The following AGR2 variants were observed in gnomAD, a reference collection of about 807,000 sequenced individuals.
AGR2 encodes the protein anterior gradient 2, protein disulphide isomerase family member.
In AGR2, 27 loss-of-function variants were observed where a neutral mutation model predicts 25.9. The ratio of observed to expected loss-of-function variants is 1.04; its 90% CI spans 0.77 to 1.44. The LOEUF (loss-of-function observed/expected upper bound fraction) is 1.44. AGR2 is among the 40% of genes most tolerant of loss of function. The pLI is 0.00. For synonymous variants in AGR2, 78 were observed against 72.0 expected (o/e 1.08, Z -0.42); for missense variants, 182 against 200.9 (o/e 0.91, Z 0.57).
chr7:16,800,287 T>C (rs1164670074), intron 4 of AGR2, among the ~76,000 whole-genome samples: 1 of 152,188 alleles, frequency 6.6e-6, no homozygotes, highest in Non-Finnish European at 1.5e-5. Flanking sequence ...CCTGAGGAGC[T>C]AACGTTGAAG....
At chr7:16,798,731 G>C (rs959789074) in intron 5 of AGR2, among the ~76,000 whole-genome samples, 2 of 152,166 alleles carry the variant, frequency 1.3e-5, no homozygotes, top group African/African-American at 2.4e-5. Context: ...CTAGTAGCAG[G>C]AATACTTGGA....
chr7:16,795,809 C>T (rs1785035765), intron 6 of AGR2, among the ~76,000 whole-genome samples: 1 of 152,172 alleles, frequency 6.6e-6, no homozygotes, highest in Non-Finnish European at 1.5e-5. Context: ...CATGTGAGAA[C>T]CATCTGCATG....
In AGR2 at chr7:16,797,782, G is replaced by T. The variant is rs1302630372; in HGVS notation, c.331-88C>A. 7.9e-6 allele frequency: 8 copies of T among 1,008,768 alleles called. 1 individual carries two copies. The Admixed American group carries it at 8.6e-5, about 11-fold the overall frequency. The allele number at this position is 1,008,768 out of a possible 1,614,324, so 62.5% of individuals were successfully genotyped here. ...TAATACAAGAATCTGTCCATTTCCG[G>T]CCAGGCATCTCAAGATATCATAACT... On this transcript the variant is annotated intron_variant, in intron 5 of 7. Coordinates refer to ENST00000419304, the MANE Select transcript of AGR2 (RefSeq NM_006408.4).
chr7:16,792,993 A>AT, intron 7 of AGR2, 36 bp from the exon 8 acceptor site: 1 of 1,578,182 alleles, frequency 6.3e-7, no homozygotes, highest in Non-Finnish European at 8.7e-7. Context: ...TCAAGACACC[A>AT]TCGTGCGTTA....
chr7:16,801,501 T>C (rs1466564103), intron 2 of AGR2, 118 bp from the exon 3 acceptor site: 8 of 1,335,940 alleles, frequency 6.0e-6, no homozygotes, highest in Non-Finnish European at 8.5e-6. Context: ...GAAAAACCCC[T>C]GGAGAAAGTA....
Position 16,797,624 on chromosome 7 carries a change from C to T in AGR2, c.394+7G>A, listed in dbSNP as rs375243408. ...TTCCGAGTTATCTCACTGTCACTTC[C>T]GCTTACCAACAAACATAATCCTGGG... is the stretch of plus-strand genomic sequence containing the variant. On this transcript the variant is annotated splice_region_variant and intron_variant, in intron 6 of 7. Coordinates refer to ENST00000419304, the MANE Select transcript of AGR2 (RefSeq NM_006408.4). 79 of 1,613,284 alleles carry T rather than the reference C, an allele frequency of 4.9e-5. No individual in the cohort carries two copies. The highest frequency in any genetic ancestry group is 1.2e-4 in the Admixed American group (7 of 59,912).
chr7:16,801,363 A>T lies in AGR2; in HGVS notation c.160T>A (p.Trp54Arg). 1 of 1,613,766 alleles carries T rather than the reference A, an allele frequency of 6.2e-7. No individual in the cohort carries two copies. Among genetic ancestry groups the T allele is most frequent in the Non-Finnish European group, 8.5e-7 (1 of 1,179,816 alleles). Residue 54 changes from tryptophan (W) to arginine (R), a missense_variant, in exon 3 of 8, where the codon TGG (tryptophan) becomes AGG (arginine). Trp to Arg is a moderately radical substitution (Grantham distance 101). Coordinates refer to ENST00000419304, the MANE Select transcript of AGR2 (RefSeq NM_006408.4). ...AGAGCTTCTTCATATGTCTGAGTCC[A>T]GATGAGTTGGTCACCCCAACCTAGA... ...LSRGWGDQLI[W>R]TQTYEEALYK...
At position 16,801,714 on chromosome 7, in the gene AGR2, C is replaced by G. The variant is rs1785148119; in HGVS notation, c.83G>C (p.Gly28Ala). The change falls in exon 2 of 8, where the codon GGA becomes GCA. Residue 28 changes from glycine to alanine, a missense_variant. Coordinates refer to ENST00000419304, the MANE Select transcript of AGR2 (RefSeq NM_006408.4). ...TLARDTTVKP[G>A]AKKDTKDSRP... ...AGAGTCCTTTGTGTCCTTTTTGGCT[C>G]CAGGTTTGACTGTGGTATCTCTGGC... The G allele has an allele frequency of 1.2e-6, 2 of 1,613,410 alleles. No individual in the cohort carries two copies. The highest frequency in any genetic ancestry group is 2.2e-5 in the East Asian group (1 of 44,856).
At position 16,801,451 on chromosome 7, in the gene AGR2, T is replaced by C. The variant is rs978493191; in HGVS notation, c.140-68A>G. 12 of 1,441,806 alleles carry C rather than the reference T, an allele frequency of 8.3e-6. No homozygotes were observed. In the African/African-American group the frequency reaches 1.1e-4, roughly 13 times the overall value. The allele number at this position is 1,441,806 out of a possible 1,614,324, so 89.3% of individuals were successfully genotyped here. ...CAGACCCAAAGCTGTTGAAAAGCAATGGTAAAGACTGGGATAATAGACCCT... is the reference window on the plus strand; with the variant it reads ...CAGACCCAAAGCTGTTGAAAAGCAACGGTAAAGACTGGGATAATAGACCCT... On this transcript the variant is annotated intron_variant, in intron 2 of 7. Coordinates refer to ENST00000419304, the MANE Select transcript of AGR2 (RefSeq NM_006408.4).
At chr7:16,800,968 A>G (rs1451566658) in intron 4 of AGR2, among the ~76,000 whole-genome samples, 183 bp downstream of exon 4, 2 of 152,244 alleles carry the variant, frequency 1.3e-5, no homozygotes, top group African/African-American at 2.4e-5. Flanking sequence ...TTTTCAAAAT[A>G]TGTACCAATG....
intron 7 of AGR2, among the ~76,000 whole-genome samples, chr7:16,794,433 C>G (rs575799910): frequency 6.6e-6 from 1 of 152,304 alleles, no homozygotes; most frequent in East Asian, 1.9e-4. Flanking sequence ...GTGTCTCTCT[C>G]TCTCTCTGTC....
At chr7:16,796,633 G>A (rs943667473) in intron 6 of AGR2, among the ~76,000 whole-genome samples, 17 of 152,282 alleles carry the variant, frequency 1.1e-4, no homozygotes, top group Admixed American at 9.8e-4. Flanking sequence ...GCAGGGTCAC[G>A]TTGGGAATAT....
Position 16,792,586 on chromosome 7 carries a change from C to T in AGR2, c.*322G>A, listed in dbSNP as rs1378509921. On this transcript the variant is annotated 3_prime_UTR_variant, in exon 8 of 8. Coordinates refer to ENST00000419304, the MANE Select transcript of AGR2 (RefSeq NM_006408.4). Reference sequence around the variant, plus strand: ...GGTTTTGTCTTGTCCCTTCCTTGAGCATTTTGTGTGTGTTTAATCCTATTT... The same window carrying T: ...GGTTTTGTCTTGTCCCTTCCTTGAGTATTTTGTGTGTGTTTAATCCTATTT... 7.2e-6 allele frequency: 2 copies of T among 278,152 alleles called. No homozygotes were observed. The highest frequency in any genetic ancestry group is 6.8e-6 in the Non-Finnish European group (1 of 146,964). 17.2% of individuals were successfully genotyped at this position (278,152 alleles called of 1,614,324 possible).
chr7:16,793,233 G>A lies in AGR2; in HGVS notation c.479-276C>T, dbSNP rs547567196. On this transcript the variant is annotated intron_variant, in intron 7 of 7. Coordinates refer to ENST00000419304, the MANE Select transcript of AGR2 (RefSeq NM_006408.4). The stretch of plus-strand genomic sequence containing the variant: ...CCAGCTAATTTTTGTATTTTTGGGA[G>A]AGATGGGGTTTTGGTATGCTGGCCA... 9.6e-4 allele frequency among the ~76,000 whole-genome samples: 146 copies of A among 152,236 alleles called. 1 individual carries two copies. The highest frequency in any genetic ancestry group is 3.3e-3 in the African/African-American group (137 of 41,528).
intron 1 of AGR2, among the ~76,000 whole-genome samples, chr7:16,803,478 A>G (rs116583209): frequency 1.9e-3 from 284 of 152,326 alleles, no homozygotes; most frequent in African/African-American, 6.6e-3. Context: ...TCATAATCTA[A>G]TATCTTGAGT....
Position 16,792,933 on chromosome 7 carries a change from A to G in AGR2, c.503T>C (p.Leu168Pro). 6.2e-7 allele frequency: 1 copy of G among 1,614,098 alleles called. No individual in the cohort carries two copies. Among genetic ancestry groups the G allele is most frequent in the Non-Finnish European group, 8.5e-7 (1 of 1,179,984 alleles). ...ALLLDNMKKALKLLKTEL is the reference protein window; with the variant it reads ...ALLLDNMKKAPKLLKTEL ...TTACAATTCAGTCTTCAGCAACTTG[A>G]GAGCTTTCTTCATGTTGTCAAGCAC... is the stretch of plus-strand genomic sequence containing the variant. The change falls in exon 8 of 8, where the codon CTC becomes CCC. Residue 168 changes from leucine (L) to proline (P), a missense_variant. Leu to Pro is a moderately conservative substitution (Grantham distance 98). Transcript: ENST00000419304.
At chr7:16,802,090 G>T (rs867456882) in intron 1 of AGR2, among the ~76,000 whole-genome samples, 5 of 151,788 alleles carry the variant, frequency 3.3e-5, no homozygotes, top group African/African-American at 4.8e-5. Context: ...TACTTTCTGC[G>T]GTTTCAGCTA....
Position 16,791,830 on chromosome 7 carries a change from A to T in AGR2, c.*1078T>A, listed in dbSNP as rs1024583320. ...AAAAGATCTGTTCAAAAAAGGTTTT[A>T]TCCAAAAAAGTTAATCAAGACAAGC... is the stretch of plus-strand genomic sequence containing the variant. On this transcript the variant is annotated 3_prime_UTR_variant, in exon 8 of 8. Coordinates refer to ENST00000419304, the MANE Select transcript of AGR2 (RefSeq NM_006408.4). The T allele has an allele frequency of 1.6e-4, 24 of 149,258 alleles. No homozygotes were observed. Among genetic ancestry groups the T allele is most frequent in the Non-Finnish European group, 3.4e-4 (23 of 68,054 alleles). 9.2% of individuals were successfully genotyped at this position (149,258 alleles called of 1,614,324 possible). A position where few individuals can be genotyped will look rare whatever the true frequency, so the allele number is the denominator to read the frequency against.
chr7:16,800,731 G>T (rs1331547134), intron 4 of AGR2, among the ~76,000 whole-genome samples: 2 of 152,088 alleles, frequency 1.3e-5, no homozygotes, highest in Non-Finnish European at 2.9e-5. Context: ...AAAGGGTAGA[G>T]CCCCTTGTTG....
Sources: allele counts gnomAD v4.1 joint callset (sites outside exome capture counted in the v4.1 genomes callset), GRCh38; gene constraint gnomAD v4.1.1; transcripts MANE v1.5; gene names NCBI Gene and HGNC (gene_info 2026-07-23, HGNC 2026-07-21).